Variants in CHD2 observed in about 807,000 individuals in gnomAD.
CHD2 encodes ATP-dependent chromatin remodeler CHD2.
A neutral mutation model predicts 243.9 loss-of-function variants in CHD2; 28 were observed. The observed-to-expected ratio is 0.11, with a 90% CI of 0.09 to 0.16. The LOEUF (loss-of-function observed/expected upper bound fraction) is 0.16, where lower values mean the gene tolerates loss of function less well. Among genes scored for constraint, CHD2 ranks in the 10% least tolerant of loss-of-function variants. CHD2 has a pLI of 1.00. For synonymous variants in CHD2, 775 were observed against 779.0 expected (o/e 0.99, Z 0.09); for missense variants, 1,386 against 2,209.8 (o/e 0.63, Z 7.47).
At chr15:92,908,969 A>G (rs1486069616) in intron 2 of CHD2, among the ~76,000 whole-genome samples, 4 of 152,050 alleles carry the variant, frequency 2.6e-5, no homozygotes, top group Non-Finnish European at 4.4e-5. Context: ...AAATACAAAG[A>G]TTAGCTGGAC....
At chr15:92,929,822 G>A (rs1392129229) in intron 5 of CHD2, among the ~76,000 whole-genome samples, 3 of 151,938 alleles carry the variant, frequency 2.0e-5, no homozygotes, top group Non-Finnish European at 4.4e-5. Context: ...CTTCTATTAA[G>A]AGCTCTAGGT....
At position 92,953,456 on chromosome 15, in the gene CHD2, C is replaced by T. The variant is rs2141811584; in HGVS notation, c.1602C>T (p.Gly534=). The change falls in exon 14 of 39, where the codon GGC becomes GGT. Residue 534 remains glycine, a synonymous_variant. Coordinates refer to ENST00000394196, the MANE Select transcript of CHD2 (RefSeq NM_001271.4). The part of the protein sequence containing the change: ...SYLFHQHQLY[G]PFLIVVPLST... ...TGTTCCACCAACACCAGCTGTATGG[C>T]CCCTTTCTTATAGTCGTCCCTTTAT... 5.0e-6 allele frequency: 8 copies of T among 1,614,124 alleles called. No individual in the cohort carries two copies. The highest frequency in any genetic ancestry group is 5.9e-6 in the Non-Finnish European group (7 of 1,180,008).
chr15:92,961,976 G>C (rs2141823607), intron 16 of CHD2, among the ~76,000 whole-genome samples: 1 of 138,758 alleles, frequency 7.2e-6, no homozygotes, highest in Admixed American at 8.4e-5. Flanking sequence ...CCGCCTTCCA[G>C]TTTCAAGTGA....
chr15:92,941,723 A>G, intron 7 of CHD2, 99 bp from the exon 8 acceptor site: 1 of 1,259,726 alleles, frequency 7.9e-7, no homozygotes, highest in Non-Finnish European at 1.1e-6. Context: ...TGCTTTTGGA[A>G]CCAAAAGGGT....
At chr15:92,981,801 A>G (rs886625024) in intron 24 of CHD2, among the ~76,000 whole-genome samples, 1 of 152,226 alleles carries the variant, frequency 6.6e-6, no homozygotes, top group Admixed American at 6.5e-5. Flanking sequence ...GAGGTCAAAG[A>G]TAGGAAAAGA....
At chr15:93,012,791 T>C (rs2054409036) in intron 36 of CHD2, among the ~76,000 whole-genome samples, 2 of 152,240 alleles carry the variant, frequency 1.3e-5, no homozygotes, top group African/African-American at 4.8e-5. Flanking sequence ...TCTCTTCTTT[T>C]CTGGACCATC....
chr15:92,990,746 T>C (rs2054107211), intron 26 of CHD2, among the ~76,000 whole-genome samples: 1 of 152,216 alleles, frequency 6.6e-6, no homozygotes, highest in African/African-American at 2.4e-5. Flanking sequence ...AACCCAATTA[T>C]CATAGTAATT....
intron 5 of CHD2, among the ~76,000 whole-genome samples, chr15:92,933,610 G>T (rs2053215236): frequency 6.6e-6 from 1 of 152,080 alleles, no homozygotes; most frequent in Non-Finnish European, 1.5e-5. Flanking sequence ...GTTTTGTTTT[G>T]TTTTTGTTTT....
At chr15:92,955,824 G>T (rs1033759875) in intron 15 of CHD2, among the ~76,000 whole-genome samples, 1 of 152,196 alleles carries the variant, frequency 6.6e-6, no homozygotes, top group Non-Finnish European at 1.5e-5. Flanking sequence ...AAAGGGTATT[G>T]AATAGGTCAG....
chr15:92,993,340 T>C (rs553993107), intron 28 of CHD2: 1 of 207,546 alleles, frequency 4.8e-6, no homozygotes, highest in East Asian at 1.2e-4. Flanking sequence ...GTGTTATAGA[T>C]CACAAGCATT....
intron 7 of CHD2, among the ~76,000 whole-genome samples, chr15:92,941,033 G>T (rs1171544397): frequency 7.2e-6 from 1 of 138,034 alleles, no homozygotes; most frequent in Non-Finnish European, 1.5e-5. Flanking sequence ...ACGGAGTCTT[G>T]CTGTGTTGCC....
In CHD2 at chr15:92,901,335, T is replaced by C. The variant is rs769941016; in HGVS notation, c.62+36T>C. 5 of 1,336,878 alleles carry C rather than the reference T, an allele frequency of 3.7e-6. No individual in the cohort carries two copies. In the Admixed American group the frequency reaches 8.9e-5, roughly 24 times the overall value. The allele number at this position is 1,336,878 out of a possible 1,614,324, so 82.8% of individuals were successfully genotyped here. On this transcript the variant is annotated intron_variant, in intron 2 of 38. Coordinates refer to ENST00000394196, the MANE Select transcript of CHD2 (RefSeq NM_001271.4). Reference sequence around the variant, plus strand: ...TCAACTTTCTTCCTTTTTGTCTTTTTTTTTGGGGGAGAAACCTCAGCTTAC... The same window carrying C: ...TCAACTTTCTTCCTTTTTGTCTTTTCTTTTGGGGGAGAAACCTCAGCTTAC...
intron 24 of CHD2, among the ~76,000 whole-genome samples, chr15:92,983,519 C>G (rs930571417): frequency 1.3e-5 from 2 of 152,144 alleles, no homozygotes; most frequent in Non-Finnish European, 2.9e-5. Flanking sequence ...TTATGACTGT[C>G]TCAAAGGCTA....
chr15:92,935,705 T>C (rs1024374441), intron 5 of CHD2, among the ~76,000 whole-genome samples: 1 of 152,196 alleles, frequency 6.6e-6, no homozygotes, highest in Admixed American at 6.5e-5. Context: ...GTAAACATCT[T>C]CCTTTCTTCC....
Position 93,026,582 on chromosome 15 carries a change from C to T in CHD2, c.*1877C>T, listed in dbSNP as rs546949797. The T allele has an allele frequency of 2.4e-4, 36 of 152,394 alleles. No homozygotes were observed. The highest frequency in any genetic ancestry group is 7.7e-4 in the African/African-American group (32 of 41,580). 9.4% of individuals were successfully genotyped at this position (152,394 alleles called of 1,614,324 possible). ...GCACACATGTCCTGAAGCAAAGCTC[C>T]GGTGACTGCATGAGCCACCTGGCCA... On this transcript the variant is annotated 3_prime_UTR_variant, in exon 39 of 39. Transcript: ENST00000394196.
At chr15:92,931,037 C>G (rs962751729) in intron 5 of CHD2, among the ~76,000 whole-genome samples, 2 of 152,128 alleles carry the variant, frequency 1.3e-5, no homozygotes, top group Non-Finnish European at 2.9e-5. Context: ...TAGGGGAGGT[C>G]TTGTAGCTGC....
chr15:92,991,651 C>T lies in CHD2; in HGVS notation c.3455+134C>T, dbSNP rs1240981048. The T allele has an allele frequency of 7.0e-6, 4 of 574,880 alleles. No individual in the cohort carries two copies. In the African/African-American group the frequency reaches 7.8e-5, roughly 11 times the overall value. 35.6% of individuals were successfully genotyped at this position (574,880 alleles called of 1,614,324 possible). A position where few individuals can be genotyped will look rare whatever the true frequency, so the allele number is the denominator to read the frequency against. Reference sequence around the variant, plus strand: ...TTTTCTGGAAACATTTATTTACAAACATTTATATATTGGGTGCCTGTTCAT... The same window carrying T: ...TTTTCTGGAAACATTTATTTACAAATATTTATATATTGGGTGCCTGTTCAT... On this transcript the variant is annotated intron_variant, in intron 27 of 38. Coordinates refer to ENST00000394196, the MANE Select transcript of CHD2 (RefSeq NM_001271.4).
chr15:92,958,555 A>G (rs947019337), intron 16 of CHD2, among the ~76,000 whole-genome samples: 8 of 152,176 alleles, frequency 5.3e-5, no homozygotes, highest in African/African-American at 1.9e-4. Flanking sequence ...TCTATCATAA[A>G]TGGGTTAAAA....
chr15:92,921,605 G>C (rs1487429450), intron 2 of CHD2: 1 of 152,222 alleles, frequency 6.6e-6, no homozygotes, highest in African/African-American at 2.4e-5. Flanking sequence ...ATTCCAGCTA[G>C]TGTCATGGAT....
Sources: gnomAD v4.1 joint callset for allele counts (sites outside exome capture counted in the v4.1 genomes callset) on GRCh38, gnomAD v4.1.1 for gene constraint, MANE v1.5 for transcripts, NCBI Gene and HGNC (gene_info 2026-07-23, HGNC 2026-07-21) for gene names.